RANBP9: variants seen among roughly 807,000 people sequenced by gnomAD.
The protein encoded by RANBP9 is RAN binding protein 9.
A neutral mutation model predicts 84.3 loss-of-function variants in RANBP9; 15 were observed. That is an observed-to-expected ratio of 0.18 (90% confidence interval 0.12 to 0.27). The LOEUF is 0.27. Among genes scored for constraint, RANBP9 ranks in the 10% least tolerant of loss-of-function variants. RANBP9 has a pLI of 1.00. For synonymous variants in RANBP9, 392 were observed against 349.6 expected (o/e 1.12, Z -1.35); for missense variants, 809 against 912.8 (o/e 0.89, Z 1.46).
At position 13,670,769 on chromosome 6, in the gene RANBP9, C is replaced by T. The variant is rs966771487; in HGVS notation, c.684-11937G>A. ...TAGCCAAGATCATACCACTGCACTC[C>T]AGCCTGGGAGACAGAGCAAAATTCC... is the stretch of plus-strand genomic sequence containing the variant. On this transcript the variant is annotated intron_variant, in intron 2 of 13. Coordinates refer to ENST00000011619, the MANE Select transcript of RANBP9 (RefSeq NM_005493.3). Among the ~76,000 whole-genome samples, 78 of 144,786 alleles carry T rather than the reference C, an allele frequency of 5.4e-4. 1 individual carries two copies. Among genetic ancestry groups the T allele is most frequent in the African/African-American group, 2.0e-3 (77 of 38,692 alleles). The allele number at this position is 144,786 out of a possible 152,430, so 95.0% of individuals were successfully genotyped here.
At chr6:13,694,570 C>T (rs1171431839) in intron 2 of RANBP9, among the ~76,000 whole-genome samples, 1 of 152,076 alleles carries the variant, frequency 6.6e-6, no homozygotes, top group Non-Finnish European at 1.5e-5. Flanking sequence ...TAAAGCAGTC[C>T]GCATTTATCT....
At chr6:13,695,423 T>TTTC (rs1216196096) in intron 2 of RANBP9, among the ~76,000 whole-genome samples, 2 of 151,108 alleles carry the variant, frequency 1.3e-5, no homozygotes, top group East Asian at 3.9e-4. Flanking sequence ...TTTTTTTTTT[T>TTTC]TTCAGAAAAA....
intron 2 of RANBP9, among the ~76,000 whole-genome samples, chr6:13,662,012 A>G (rs1014099793): frequency 6.6e-6 from 1 of 152,178 alleles, no homozygotes; most frequent in African/African-American, 2.4e-5. Flanking sequence ...AGATATTTTA[A>G]GACACATAAA....
chr6:13,708,811 C>G (rs894942741), intron 1 of RANBP9, among the ~76,000 whole-genome samples: 6 of 145,724 alleles, frequency 4.1e-5, no homozygotes, highest in African/African-American at 1.5e-4. Context: ...ACAGTAACAA[C>G]GGAAAACTCA....
At chr6:13,666,479 A>C (rs1398733018) in intron 2 of RANBP9, among the ~76,000 whole-genome samples, 2 of 151,782 alleles carry the variant, frequency 1.3e-5, no homozygotes, top group African/African-American at 4.8e-5. Flanking sequence ...TAAATTATTA[A>C]GGAATAGGCC....
intron 3 of RANBP9, among the ~76,000 whole-genome samples, chr6:13,657,579 C>T (rs72829116): frequency 0.016 from 2,396 of 152,222 alleles, 21 homozygotes; most frequent in Non-Finnish European, 0.021. Context: ...GTGCATATTC[C>T]GTTTGCTAAT....
At chr6:13,682,513 C>T (rs1421462806) in intron 2 of RANBP9, among the ~76,000 whole-genome samples, 1 of 151,564 alleles carries the variant, frequency 6.6e-6, no homozygotes, top group African/African-American at 2.4e-5. Context: ...AGTGCAATGG[C>T]ACGATCTTGG....
intron 2 of RANBP9, among the ~76,000 whole-genome samples, chr6:13,682,630 T>C (rs941991461): frequency 6.6e-6 from 1 of 152,074 alleles, no homozygotes; most frequent in Admixed American, 6.5e-5. Flanking sequence ...TTTTTGTTAC[T>C]AGTAGAGACA....
At chr6:13,642,936 A>T (rs2127765753) in intron 6 of RANBP9, among the ~76,000 whole-genome samples, 1 of 152,276 alleles carries the variant, frequency 6.6e-6, no homozygotes, top group East Asian at 1.9e-4. Context: ...ACTAACCATA[A>T]TTTCTATTTT....
At chr6:13,669,773 T>G (rs1765731764) in intron 2 of RANBP9, among the ~76,000 whole-genome samples, 1 of 152,110 alleles carries the variant, frequency 6.6e-6, no homozygotes, top group South Asian at 2.1e-4. Context: ...TCGCATTTTT[T>G]GTACAGACAG....
At chr6:13,633,909 T>C (rs1337887274) in intron 11 of RANBP9, among the ~76,000 whole-genome samples, 1 of 149,464 alleles carries the variant, frequency 6.7e-6, no homozygotes, top group Non-Finnish European at 1.5e-5. Context: ...TGCATGCTAA[T>C]GTGTCTTGGA....
At chr6:13,672,761 T>C (rs1351794693) in intron 2 of RANBP9, among the ~76,000 whole-genome samples, 1 of 151,972 alleles carries the variant, frequency 6.6e-6, no homozygotes, top group Non-Finnish European at 1.5e-5. Flanking sequence ...ATTAAAATGC[T>C]AAGGGCTATA....
chr6:13,638,217 G>A (rs1360604758), intron 9 of RANBP9, among the ~76,000 whole-genome samples: 1 of 151,980 alleles, frequency 6.6e-6, no homozygotes, highest in Non-Finnish European at 1.5e-5. Context: ...GCAATATTAT[G>A]ATCATCCCCA....
chr6:13,673,060 A>C (rs1013361678), intron 2 of RANBP9, among the ~76,000 whole-genome samples: 8 of 152,208 alleles, frequency 5.3e-5, no homozygotes, highest in Non-Finnish European at 8.8e-5. Flanking sequence ...AGCTCAGAAA[A>C]CACTAAACAG....
chr6:13,651,865 C>A (rs1005386443), intron 5 of RANBP9, among the ~76,000 whole-genome samples: 9 of 152,136 alleles, frequency 5.9e-5, no homozygotes, highest in Non-Finnish European at 7.4e-5. Context: ...TACCCCCAAC[C>A]CCATTATTAT....
rs562433979 is a variant in RANBP9 at position 13,649,800 on chromosome 6, A to G, written c.927+2859T>C. 4.7e-4 allele frequency among the ~76,000 whole-genome samples: 72 copies of G among 152,284 alleles called. 1 individual carries two copies. In the South Asian group the frequency reaches 0.014, roughly 30 times the overall value. On this transcript the variant is annotated intron_variant, in intron 5 of 13. Transcript: ENST00000011619. ...AGTCCTCCAGAGTTATCCACTGCCT[A>G]TAACTCACCTATTCCTAAAATCCAT... is the stretch of plus-strand genomic sequence containing the variant.
intron 1 of RANBP9, 102 bp downstream of exon 1, chr6:13,710,833 G>A (rs1416539608): frequency 3.0e-6 from 4 of 1,317,584 alleles, no homozygotes; most frequent in Non-Finnish European, 4.1e-6. Context: ...CGAGGGCAGA[G>A]CCCGCGAGGG....
intron 2 of RANBP9, among the ~76,000 whole-genome samples, chr6:13,659,869 T>C (rs1765502479): frequency 1.3e-5 from 2 of 152,242 alleles, no homozygotes; most frequent in Non-Finnish European, 2.9e-5. Flanking sequence ...AATTGTTAAA[T>C]ACTGTTTTAG....
At chr6:13,684,913 C>T (rs759917231) in intron 2 of RANBP9, among the ~76,000 whole-genome samples, 2 of 152,106 alleles carry the variant, frequency 1.3e-5, no homozygotes, top group Admixed American at 6.6e-5. Context: ...GCACAGCATC[C>T]CACCTTCCTA....
Sources: gnomAD v4.1 joint callset for allele counts (sites outside exome capture counted in the v4.1 genomes callset) on GRCh38, gnomAD v4.1.1 for gene constraint, MANE v1.5 for transcripts, NCBI Gene and HGNC (gene_info 2026-07-23, HGNC 2026-07-21) for gene names.